Variants in BOK observed in about 807,000 individuals in gnomAD.
BOK encodes BCL2 family apoptosis regulator BOK, also known as bcl-2-related ovarian killer protein.
Under a neutral mutation model 18.3 loss-of-function variants are expected in BOK, and 20 were observed. The observed-to-expected ratio is 1.09, with a 90% CI of 0.77 to 1.59. The LOEUF (loss-of-function observed/expected upper bound fraction) is 1.59. BOK is among the 40% of genes most tolerant of loss of function. BOK has a pLI of 0.00. For synonymous variants in BOK, 173 were observed against 142.4 expected (o/e 1.21, Z -1.53); for missense variants, 348 against 307.9 (o/e 1.13, Z -0.97).
chr2:241,560,046 TC>T, intron 2 of BOK: 1 of 983,554 alleles, frequency 1.0e-6, no homozygotes, highest in Non-Finnish European at 1.2e-6. Context: ...GGAGCACGTG[TC>T]CCGATGTTTA....
chr2:241,560,197 G>A (rs2066506101), intron 2 of BOK: 1 of 985,326 alleles, frequency 1.0e-6, no homozygotes, highest in African/African-American at 1.7e-5. Context: ...TTGGTGCTGT[G>A]AGGACATCTG....
chr2:241,556,885 A>C (rs1237310644), upstream of BOK, among the ~76,000 whole-genome samples: 1 of 152,208 alleles, frequency 6.6e-6, no homozygotes, highest in Non-Finnish European at 1.5e-5. Context: ...TCTTTGTGGG[A>C]AGATTTTAAA....
upstream of BOK, among the ~76,000 whole-genome samples, chr2:241,557,473 C>G (rs996314785): frequency 6.6e-6 from 1 of 152,020 alleles, no homozygotes; most frequent in African/African-American, 2.4e-5. Context: ...CCACACCCAA[C>G]TCATTTTTTG....
rs1394618415 is a variant in BOK at position 241,559,443 on chromosome 2, T to C, written c.-29-12T>C. On this transcript the variant is annotated splice_polypyrimidine_tract_variant and intron_variant, in intron 1 of 4. Transcript: ENST00000318407. ...CGCCTCCCTCCACCCGGCTGAGCGC[T>C]TGTGCCCGCAGGTGCGGCGCCCCCC... 3 of 1,392,068 alleles carry C rather than the reference T, an allele frequency of 2.2e-6. No individual in the cohort carries two copies. The highest frequency in any genetic ancestry group is 2.8e-6 in the Non-Finnish European group (3 of 1,074,832). 86.2% of individuals were successfully genotyped at this position (1,392,068 alleles called of 1,614,324 possible).
chr2:241,555,510 G>A (rs1231381430), upstream of BOK, among the ~76,000 whole-genome samples: 2 of 152,110 alleles, frequency 1.3e-5, no homozygotes, highest in Non-Finnish European at 2.9e-5. Flanking sequence ...CGAGTAGCTG[G>A]GATTACAGAC....
At chr2:241,557,743 G>C (rs1331685910), upstream of BOK, among the ~76,000 whole-genome samples, 1 of 151,994 alleles carries the variant, frequency 6.6e-6, no homozygotes, top group Admixed American at 6.6e-5. Flanking sequence ...TGTGATTATT[G>C]ACCCATTGAT....
chr2:241,572,138 C>T (rs991438539), intron 4 of BOK, among the ~76,000 whole-genome samples, 159 bp from the exon 5 acceptor site: 4 of 152,244 alleles, frequency 2.6e-5, no homozygotes, highest in Non-Finnish European at 4.4e-5. Context: ...TGTGTTGGAG[C>T]CTTCAGTCCA....
At chr2:241,568,697 C>T (rs1160247919) in intron 3 of BOK, among the ~76,000 whole-genome samples, 3 of 152,154 alleles carry the variant, frequency 2.0e-5, no homozygotes, top group Admixed American at 6.5e-5. Flanking sequence ...GGATTATAGG[C>T]GTGAGCCACT....
chr2:241,565,524 C>T (rs895790369), intron 3 of BOK, among the ~76,000 whole-genome samples: 15 of 152,094 alleles, frequency 9.9e-5, no homozygotes, highest in Admixed American at 6.6e-5. Context: ...ATCCTTGCCT[C>T]CCTGCCTGAG....
In BOK at chr2:241,559,621, C is replaced by G. The variant is rs759104487; in HGVS notation, c.138C>G (p.Ala46=). 3.4e-6 allele frequency: 5 copies of G among 1,469,838 alleles called. No homozygotes were observed. The highest frequency in any genetic ancestry group is 4.5e-6 in the Non-Finnish European group (5 of 1,117,208). The allele number at this position is 1,469,838 out of a possible 1,614,324, so 91.0% of individuals were successfully genotyped here. ...ACGTGCACGCGCGGCTGCTGCGCGC[C>G]GGCCTCTCCTGGAGCGCGCCCGAGC... ...REYVHARLLR[A]GLSWSAPERA... Residue 46 remains alanine (A), a synonymous_variant, in exon 2 of 5, where the codon GCC becomes GCG. Coordinates refer to ENST00000318407, the MANE Select transcript of BOK (RefSeq NM_032515.5).
intron 1 of BOK, 31 bp from the exon 2 acceptor site, chr2:241,559,424 C>T (rs2066489796): frequency 4.9e-5 from 63 of 1,288,716 alleles, no homozygotes; most frequent in Non-Finnish European, 6.2e-5. Context: ...GCGCCGCCTC[C>T]CTCCACCCGG....
upstream of BOK, among the ~76,000 whole-genome samples, chr2:241,558,181 G>GA (rs35484638): frequency 1.2e-3 from 184 of 151,392 alleles, 1 homozygote; most frequent in African/African-American, 4.0e-3. Flanking sequence ...ATATCTACAC[G>GA]AAAAAAAATG....
chr2:241,557,444 G>C (rs141528340), upstream of BOK, among the ~76,000 whole-genome samples: 6 of 151,100 alleles, frequency 4.0e-5, no homozygotes, highest in African/African-American at 1.5e-4. Flanking sequence ...TTAGTAGCTG[G>C]GATTACAGAC....
chr2:241,570,336 T>C (rs2066695940), intron 4 of BOK, 48 bp downstream of exon 4: 1 of 1,521,704 alleles, frequency 6.6e-7, no homozygotes, highest in African/African-American at 1.4e-5. Context: ...GGTGCGAGGG[T>C]GCAGAGGTAC....
chr2:241,564,729 A>G (rs73123528), intron 3 of BOK, among the ~76,000 whole-genome samples: 47,994 of 152,100 alleles, frequency 0.32, 8,315 homozygotes, highest in African/African-American at 0.46. Context: ...GGTGGAAGGC[A>G]TCCTGGGCTG....
In BOK at chr2:241,562,282, CAAGCCAGTCGTGTCCCAGG is replaced by C; in HGVS notation, c.221-61_221-43del. 1 of 1,533,188 alleles carries C rather than the reference CAAGCCAGTCGTGTCCCAGG, an allele frequency of 6.5e-7. No individual in the cohort carries two copies. The allele number at this position is 1,533,188 out of a possible 1,614,324, so 95.0% of individuals were successfully genotyped here. ...TGGGGGTCAGGTGCAGGGTGTGCCCCAAGCCAGTCGTGTCCCAGGAAGCTGGGACGTGGGCTGCCTCTCA... is the reference window on the plus strand; with the variant it reads ...TGGGGGTCAGGTGCAGGGTGTGCCCCAAGCTGGGACGTGGGCTGCCTCTCA... On this transcript the variant is annotated intron_variant, in intron 2 of 4. Coordinates refer to ENST00000318407, the MANE Select transcript of BOK (RefSeq NM_032515.5). This position sits in a 1 kb window ranked among gnomAD's most constrained non-coding sequence, Gnocchi z 4.5.
At position 241,572,352 on chromosome 2, in the gene BOK, T is replaced by G; in HGVS notation, c.569T>G (p.Leu190Arg). ...STDPGLRSHW[L>R]VAALCSFGRF... ...GACCCTGGCCTCCGCTCCCACTGGC[T>G]GGTGGCTGCACTCTGCAGCTTCGGC... Residue 190 changes from leucine (L) to arginine (R), a missense_variant, in exon 5 of 5, where the codon CTG (leucine) becomes CGG (arginine). Physicochemically the swap from Leu to Arg is moderately radical, Grantham distance 102. Transcript: ENST00000318407. The G allele has an allele frequency of 6.2e-7, 1 of 1,609,856 alleles. No individual in the cohort carries two copies. Among genetic ancestry groups the G allele is most frequent in the Non-Finnish European group, 8.5e-7 (1 of 1,179,738 alleles).
At chr2:241,564,942 C>T (rs1044258533) in intron 3 of BOK, among the ~76,000 whole-genome samples, 52 of 152,150 alleles carry the variant, frequency 3.4e-4, no homozygotes, top group African/African-American at 1.7e-4. Context: ...CCTACCCGCC[C>T]GGCCTTGCTT....
At chr2:241,559,743 C>T in intron 2 of BOK, 40 bp downstream of exon 2, 3 of 1,280,978 alleles carry the variant, frequency 2.3e-6, no homozygotes, top group African/African-American at 1.5e-5. Flanking sequence ...GCGCCTCCTC[C>T]CCTGCTGGGC....
Sources: allele counts gnomAD v4.1 joint callset (sites outside exome capture counted in the v4.1 genomes callset), GRCh38; gene constraint gnomAD v4.1.1; non-coding constraint Gnocchi (gnomAD v3.1); transcripts MANE v1.5; gene names NCBI Gene and HGNC (gene_info 2026-07-23, HGNC 2026-07-21).